Variants in DPH6 observed in about 807,000 individuals in gnomAD.
DPH6 encodes diphthamine biosynthesis 6, also known as diphthine--ammonia ligase.
DPH6 carries 33 observed loss-of-function variants against 38.2 expected under a neutral mutation model. The observed-to-expected ratio is 0.86, with a 90% CI of 0.65 to 1.15. The LOEUF (loss-of-function observed/expected upper bound fraction) is 1.15. DPH6 is among the 50% of genes most tolerant of loss of function. DPH6 has a pLI of 0.00. For synonymous variants in DPH6, 108 were observed against 103.0 expected (o/e 1.05, Z -0.30); for missense variants, 325 against 320.0 (o/e 1.02, Z -0.12).
chr15:35,309,333 G>A (rs796375965), intron 3 of DPH6, among the ~76,000 whole-genome samples: 5 of 152,162 alleles, frequency 3.3e-5, no homozygotes, highest in Non-Finnish European at 5.9e-5. Flanking sequence ...AGGTCATTAA[G>A]AAAGAGAATA....
At chr15:35,368,602 T>C (rs961894692), downstream of DPH6, among the ~76,000 whole-genome samples, 2 of 151,898 alleles carry the variant, frequency 1.3e-5, no homozygotes, top group African/African-American at 2.4e-5. Context: ...AGCATGGGGA[T>C]GGAAATATGT....
intron 5 of DPH6, among the ~76,000 whole-genome samples, chr15:35,417,220 C>T (rs1408548216): frequency 6.6e-6 from 1 of 151,784 alleles, no homozygotes; most frequent in Non-Finnish European, 1.5e-5. Flanking sequence ...CTTTCATTTC[C>T]CTAAATGGAA....
intron 4 of DPH6, among the ~76,000 whole-genome samples, chr15:35,453,224 G>A (rs543236891): frequency 2.8e-4 from 42 of 152,258 alleles, no homozygotes; most frequent in African/African-American, 9.9e-4. Context: ...GTGTTGAAGT[G>A]TACCAGTGAT....
chr15:35,410,305 T>G (rs1445809359), intron 6 of DPH6, among the ~76,000 whole-genome samples: 2 of 151,778 alleles, frequency 1.3e-5, no homozygotes, highest in East Asian at 3.9e-4. Flanking sequence ...TATAGTACAT[T>G]TAATAGAAAG....
the DPH6 span, among the ~76,000 whole-genome samples, chr15:35,159,344 G>T: frequency 6.6e-6 from 1 of 151,842 alleles, no homozygotes; most frequent in Non-Finnish European, 1.5e-5. Flanking sequence ...TCTTTCTCTT[G>T]TATCTTCAGT....
intron 5 of DPH6, among the ~76,000 whole-genome samples, chr15:35,421,721 C>T (rs2053507661): frequency 6.6e-6 from 1 of 152,072 alleles, no homozygotes; most frequent in African/African-American, 2.4e-5. Flanking sequence ...AGACAAAAGC[C>T]AGGTCCTATA....
At chr15:35,345,000 C>T (rs1293817125) in intron 3 of DPH6, among the ~76,000 whole-genome samples, 1 of 151,548 alleles carries the variant, frequency 6.6e-6, no homozygotes. Flanking sequence ...AAAAATATGG[C>T]ATATATGTTA....
the DPH6 span, among the ~76,000 whole-genome samples, chr15:35,182,311 T>C: frequency 6.7e-6 from 1 of 149,610 alleles, no homozygotes; most frequent in Non-Finnish European, 1.5e-5. Flanking sequence ...CTGCTTTCTT[T>C]GCAGAGTGTT....
chr15:35,412,751 C>G (rs1194345818), intron 5 of DPH6, among the ~76,000 whole-genome samples: 1 of 151,458 alleles, frequency 6.6e-6, no homozygotes, highest in Non-Finnish European at 1.5e-5. Flanking sequence ...GGTATGATTC[C>G]AACTATATGA....
intron 3 of DPH6, among the ~76,000 whole-genome samples, chr15:35,497,468 T>G (rs2054572619): frequency 6.6e-6 from 1 of 152,198 alleles, no homozygotes; most frequent in South Asian, 2.1e-4. Flanking sequence ...TCCTTTTTCA[T>G]ACAACAAGTT....
At chr15:35,365,479 C>T (rs770413218) in intron 3 of DPH6, among the ~76,000 whole-genome samples, 5 of 152,008 alleles carry the variant, frequency 3.3e-5, no homozygotes, top group Non-Finnish European at 7.4e-5. Context: ...TTTATGAAAA[C>T]AGCAATCAGA....
chr15:35,164,472 T>TA, the DPH6 span, among the ~76,000 whole-genome samples: 437 of 148,238 alleles, frequency 2.9e-3, 3 homozygotes, highest in African/African-American at 9.1e-3. Context: ...GCTGCTTTCT[T>TA]AAAAAAAAAA....
chr15:35,274,984 G>A (rs1473452253), intron 3 of DPH6, among the ~76,000 whole-genome samples: 1 of 151,524 alleles, frequency 6.6e-6, no homozygotes, highest in Non-Finnish European at 1.5e-5. Context: ...GCGCAATCTC[G>A]GCTCACTGCA....
At chr15:35,514,734 A>T (rs1459184342) in intron 3 of DPH6, among the ~76,000 whole-genome samples, 1 of 152,182 alleles carries the variant, frequency 6.6e-6, no homozygotes. Flanking sequence ...AATCCTATAA[A>T]TTCTAACCCT....
chr15:35,413,423 C>T (rs950789377), intron 5 of DPH6, among the ~76,000 whole-genome samples: 1 of 151,404 alleles, frequency 6.6e-6, no homozygotes, highest in Non-Finnish European at 1.5e-5. Flanking sequence ...TCTCTTCTTA[C>T]AATTCTGTCA....
chr15:35,389,467 T>C (rs1431559401), intron 6 of DPH6, among the ~76,000 whole-genome samples: 1 of 152,202 alleles, frequency 6.6e-6, no homozygotes. Context: ...TATTACTGTG[T>C]GGGAGTCTAA....
chr15:35,245,583 G>C (rs1269260470), intron 3 of DPH6, among the ~76,000 whole-genome samples: 1 of 152,074 alleles, frequency 6.6e-6, no homozygotes, highest in Non-Finnish European at 1.5e-5. Context: ...AGTTTATATT[G>C]GTTAGCTTCA....
At chr15:35,464,220 G>A (rs1342118036) in intron 3 of DPH6, among the ~76,000 whole-genome samples, 2 of 151,838 alleles carry the variant, frequency 1.3e-5, no homozygotes, top group Non-Finnish European at 2.9e-5. Context: ...CTTGAACCAG[G>A]GAGTCAGAGG....
At chr15:35,364,492 T>C (rs898006522) in intron 3 of DPH6, among the ~76,000 whole-genome samples, 3 of 152,098 alleles carry the variant, frequency 2.0e-5, no homozygotes, top group Non-Finnish European at 4.4e-5. Context: ...AACTATTAAA[T>C]AAATTTTGAC....
Sources: allele counts gnomAD v4.1 joint callset (sites outside exome capture counted in the v4.1 genomes callset), GRCh38; gene constraint gnomAD v4.1.1; transcripts MANE v1.5; gene names NCBI Gene and HGNC (gene_info 2026-07-23, HGNC 2026-07-21).